The following CACNB2 variants were observed in gnomAD, a reference collection of about 807,000 sequenced individuals.
The protein encoded by CACNB2 is voltage-dependent L-type calcium channel subunit beta-2.
In CACNB2, 42 loss-of-function variants were observed where a neutral mutation model predicts 73.3. The observed-to-expected ratio is 0.57, with a 90% CI of 0.45 to 0.74. The LOEUF is 0.74. CACNB2 is among the 30% of genes least tolerant of loss of function. The probability of loss-of-function intolerance (pLI) is 0.00; values close to 1 mark genes in which losing one functional copy is unlikely to be tolerated. For missense variants in CACNB2, 940 were observed against 853.0 expected, an observed-to-expected ratio of 1.10 and a Z score of -1.27; for synonymous variants, 348 against 310.3, an observed-to-expected ratio of 1.12 and a Z score of -1.28.
intron 3 of CACNB2, among the ~76,000 whole-genome samples, chr10:18,455,267 G>T (rs910949304): frequency 1.3e-5 from 2 of 152,198 alleles, no homozygotes; most frequent in African/African-American, 4.8e-5. Flanking sequence ...CTCCAAGAGT[G>T]CTTGGTGATA....
chr10:18,516,086 G>C (rs909155566), intron 7 of CACNB2, among the ~76,000 whole-genome samples: 10 of 151,952 alleles, frequency 6.6e-5, no homozygotes, highest in African/African-American at 2.2e-4. Context: ...ATGGTGGCAG[G>C]CACCTGTAAT....
intron 2 of CACNB2, among the ~76,000 whole-genome samples, chr10:18,359,739 G>GCTGT: frequency 6.6e-6 from 1 of 151,926 alleles, no homozygotes; most frequent in Non-Finnish European, 1.5e-5. Context: ...TTCTCCTAAT[G>GCTGT]CTGTCCCTCC....
chr10:18,423,100 CGTTTGG>C (rs879610486), intron 3 of CACNB2, among the ~76,000 whole-genome samples: 40 of 151,890 alleles, frequency 2.6e-4, no homozygotes, highest in Non-Finnish European at 5.3e-4. Flanking sequence ...GAATCCTAAA[CGTTTGG>C]AGGTCATCAT....
chr10:18,252,323 G>C (rs1228787626), intron 2 of CACNB2, among the ~76,000 whole-genome samples: 4 of 152,160 alleles, frequency 2.6e-5, no homozygotes, highest in Admixed American at 2.6e-4. Flanking sequence ...ATCGGTGTCT[G>C]GTGTTAGTGC....
At chr10:18,306,715 G>A (rs957292574) in intron 2 of CACNB2, among the ~76,000 whole-genome samples, 4 of 152,036 alleles carry the variant, frequency 2.6e-5, no homozygotes, top group Non-Finnish European at 5.9e-5. Flanking sequence ...AAGGAGTGAG[G>A]GCTTCTTTGT....
At chr10:18,190,005 T>C (rs998055657) in intron 2 of CACNB2, among the ~76,000 whole-genome samples, 1 of 152,210 alleles carries the variant, frequency 6.6e-6, no homozygotes, top group East Asian at 1.9e-4. Context: ...ATGCTGTTAA[T>C]CTTCAGCACT....
intron 3 of CACNB2, among the ~76,000 whole-genome samples, chr10:18,422,004 A>T (rs1470582813): frequency 6.6e-6 from 1 of 152,224 alleles, no homozygotes; most frequent in Non-Finnish European, 1.5e-5. Flanking sequence ...CTTGTGCTAT[A>T]GCTGTTAAGC....
At chr10:18,141,159 G>A (rs753004223) in intron 1 of CACNB2, 3 of 1,550,750 alleles carry the variant, frequency 1.9e-6, no homozygotes. Context: ...GCCCCTTCCC[G>A]GGAGAGGCAC....
At chr10:18,154,368 A>G (rs2031860547) in intron 2 of CACNB2, among the ~76,000 whole-genome samples, 1 of 151,986 alleles carries the variant, frequency 6.6e-6, no homozygotes, top group South Asian at 2.1e-4. Flanking sequence ...CAACCCTCAA[A>G]TTCATCTTTA....
chr10:18,259,104 G>A (rs1026255292), intron 2 of CACNB2, among the ~76,000 whole-genome samples: 2 of 152,116 alleles, frequency 1.3e-5, no homozygotes, highest in Non-Finnish European at 2.9e-5. Flanking sequence ...GATTATATAA[G>A]TTTCAGAGTT....
At chr10:18,437,201 G>T (rs540468034) in intron 3 of CACNB2, among the ~76,000 whole-genome samples, 4 of 152,326 alleles carry the variant, frequency 2.6e-5, no homozygotes, top group African/African-American at 9.6e-5. Context: ...TTAGAAAGGG[G>T]TTAGGTGACC....
chr10:18,210,823 T>C (rs1290514639), intron 2 of CACNB2, among the ~76,000 whole-genome samples: 1 of 152,206 alleles, frequency 6.6e-6, no homozygotes, highest in Non-Finnish European at 1.5e-5. Context: ...ATGTATAATA[T>C]ATTGCATGCA....
chr10:18,270,157 G>A (rs2037988050), intron 2 of CACNB2, among the ~76,000 whole-genome samples: 1 of 152,164 alleles, frequency 6.6e-6, no homozygotes, highest in Non-Finnish European at 1.5e-5. Context: ...GGAGAAATAA[G>A]GACCTTCTTC....
At chr10:18,143,038 T>C (rs1380184794) in intron 1 of CACNB2, among the ~76,000 whole-genome samples, 2 of 152,164 alleles carry the variant, frequency 1.3e-5, no homozygotes, top group African/African-American at 4.8e-5. Flanking sequence ...GTCCCAGAAG[T>C]AAGAAGTCTT....
intron 2 of CACNB2, chr10:18,260,585 T>C: frequency 1.0e-6 from 1 of 986,248 alleles, no homozygotes; most frequent in South Asian, 4.7e-5. Flanking sequence ...GTTTCTGTAG[T>C]CCTAGGAATC....
intron 2 of CACNB2, among the ~76,000 whole-genome samples, chr10:18,350,234 A>G (rs1281190291): frequency 1.3e-5 from 2 of 152,208 alleles, no homozygotes; most frequent in Non-Finnish European, 2.9e-5. Context: ...AACAAGAGCA[A>G]AACTCAGTCT....
intron 2 of CACNB2, among the ~76,000 whole-genome samples, chr10:18,362,260 A>T (rs934130446): frequency 2.6e-5 from 4 of 152,214 alleles, no homozygotes; most frequent in Non-Finnish European, 5.9e-5. Flanking sequence ...ATGCTTATTA[A>T]AACATTTTCA....
chr10:18,258,012 G>A (rs1191510148), intron 2 of CACNB2, among the ~76,000 whole-genome samples: 1 of 152,154 alleles, frequency 6.6e-6, no homozygotes, highest in Non-Finnish European at 1.5e-5. Context: ...CCAAAGTGCT[G>A]GGATTATAGG....
intron 2 of CACNB2, among the ~76,000 whole-genome samples, chr10:18,281,383 A>G (rs1181721266): frequency 6.6e-6 from 1 of 152,218 alleles, no homozygotes; most frequent in Non-Finnish European, 1.5e-5. Flanking sequence ...TGTGTGGGAA[A>G]CAACAATGAA....
Sources: gnomAD v4.1 joint callset for allele counts (sites outside exome capture counted in the v4.1 genomes callset) on GRCh38, gnomAD v4.1.1 for gene constraint, MANE v1.5 for transcripts, NCBI Gene and HGNC (gene_info 2026-07-23, HGNC 2026-07-21) for gene names.